The following UNC80 variants were observed in gnomAD, a reference collection of about 807,000 sequenced individuals.
The protein encoded by UNC80 is unc-80 subunit of NALCN channel complex.
A neutral mutation model predicts 384.6 loss-of-function variants in UNC80; 164 were observed. The observed-to-expected ratio is 0.43, with a 90% CI of 0.38 to 0.49. The LOEUF (loss-of-function observed/expected upper bound fraction) is 0.49, where lower values mean the gene tolerates loss of function less well. Ranked by LOEUF, UNC80 falls within the 20% of genes least tolerant of loss-of-function variation. The pLI is 0.00. For synonymous variants in UNC80, 1,486 were observed against 1,527.8 expected (o/e 0.97, Z 0.64); for missense variants, 3,330 against 4,143.0 (o/e 0.80, Z 5.39).
In UNC80 at chr2:209,872,564, T is replaced by TG. The variant is rs2084390247; in HGVS notation, c.3628-187dup. On this transcript the variant is annotated intron_variant, in intron 22 of 64. Transcript: ENST00000673920. This position sits in a 1 kb window ranked among gnomAD's most constrained non-coding sequence, Gnocchi z 4.1. ...TCTAATCCTTCAAGATCCACATTTTTGGGGGGGATTTTGCTTTCCAGATTT... is the reference window on the plus strand; with the variant it reads ...TCTAATCCTTCAAGATCCACATTTTTGGGGGGGGATTTTGCTTTCCAGATTT... Among the ~76,000 whole-genome samples the TG allele has an allele frequency of 6.6e-6, 1 of 152,098 alleles. No individual in the cohort carries two copies. Among genetic ancestry groups the TG allele is most frequent in the African/African-American group, 2.4e-5 (1 of 41,420 alleles).
At chr2:209,959,761 C>G (rs1458004101) in intron 51 of UNC80, 54 bp downstream of exon 51, 1 of 1,496,186 alleles carries the variant, frequency 6.7e-7, no homozygotes, top group African/African-American at 1.4e-5. Context: ...GCCCATGTGT[C>G]TGAATGTGTG....
chr2:209,775,118 T>C (rs150211759), intron 2 of UNC80, among the ~76,000 whole-genome samples: 54 of 152,288 alleles, frequency 3.5e-4, no homozygotes, highest in African/African-American at 1.2e-3. Flanking sequence ...TCCAACACCT[T>C]ACAGTGATAT....
intron 21 of UNC80, among the ~76,000 whole-genome samples, chr2:209,844,543 CCTTCCTTT>C (rs1346348367): frequency 0.018 from 2,222 of 121,650 alleles, 78 homozygotes; most frequent in Middle Eastern, 0.042. Context: ...TTCCTTCCTT[CCTTCCTTT>C]TTCTTTCCAA....
At chr2:209,824,379 G>A (rs112709958) in intron 13 of UNC80, among the ~76,000 whole-genome samples, 1 of 152,286 alleles carries the variant, frequency 6.6e-6, no homozygotes, top group Admixed American at 6.5e-5. Flanking sequence ...GGCATAGGGA[G>A]AAATTGAACT....
rs1486945350 is a variant in UNC80, at chr2:209,954,195, G to A, written c.7382G>A (p.Arg2461Gln). 1.3e-6 allele frequency: 2 copies of A among 1,551,048 alleles called. No individual in the cohort carries two copies. Among genetic ancestry groups the A allele is most frequent in the South Asian group, 1.2e-5 (1 of 84,024 alleles). Reference sequence around the variant, plus strand: ...CAGGTGGAGACAGTACCTGCTGCCCGAGAGGAGATTGCGGCCACTGCTGCT... The same window carrying A: ...CAGGTGGAGACAGTACCTGCTGCCCAAGAGGAGATTGCGGCCACTGCTGCT... ...TSQVETVPAA[R>Q]EEIAATAALA... Residue 2461 changes from arginine to glutamine, a missense_variant, in exon 48 of 65, where the codon CGA becomes CAA. Coordinates refer to ENST00000673920, the MANE Select transcript of UNC80 (RefSeq NM_001371986.1).
chr2:209,862,239 T>C (rs1232390468), intron 22 of UNC80, among the ~76,000 whole-genome samples: 1 of 152,194 alleles, frequency 6.6e-6, no homozygotes, highest in African/African-American at 2.4e-5. Flanking sequence ...ATTGTCTCTT[T>C]GTTCTCATTG....
rs1398871473 is a variant in UNC80, at chr2:209,978,756, G to A, written c.9118+48G>A. The A allele has an allele frequency of 2.8e-5, 40 of 1,435,904 alleles. No individual in the cohort carries two copies. In the Admixed American group the frequency reaches 6.0e-4, roughly 22 times the overall value. The allele number at this position is 1,435,904 out of a possible 1,614,324, so 88.9% of individuals were successfully genotyped here. On this transcript the variant is annotated intron_variant, in intron 59 of 64. Transcript: ENST00000673920. ...GGCAGTAGACATGGCCTGGCCATAC[G>A]AGCAGGGGCTTGGGAAGGATTACTG... is the stretch of plus-strand genomic sequence containing the variant.
At chr2:209,953,230 C>T (rs1338277240) in intron 47 of UNC80, among the ~76,000 whole-genome samples, 1 of 151,824 alleles carries the variant, frequency 6.6e-6, no homozygotes, top group Non-Finnish European at 1.5e-5. Context: ...CCAGCCTGGC[C>T]AACATAGTGA....
In UNC80 at chr2:209,937,534, T is replaced by C; in HGVS notation, c.6369T>C (p.Tyr2123=). 6.5e-7 allele frequency: 1 copy of C among 1,549,496 alleles called. No homozygotes were observed. The highest frequency in any genetic ancestry group is 8.7e-7 in the Non-Finnish European group (1 of 1,144,938). ...TCTTTATGTAATCCACACAGACCTA[T>C]GTTCGAGATATTTATCCTTTCCGGA... ...RWNLIHYNKT[Y]VRDIYPFRRS... The change falls in exon 42 of 65, where the codon TAT becomes TAC. Residue 2123 remains tyrosine, a synonymous_variant. Coordinates refer to ENST00000673920, the MANE Select transcript of UNC80 (RefSeq NM_001371986.1).
Position 209,979,616 on chromosome 2 carries a change from A to G in UNC80, c.9118+908A>G, listed in dbSNP as rs79959828. 9.1e-3 allele frequency among the ~76,000 whole-genome samples: 1,387 copies of G among 152,342 alleles called. 26 individuals are homozygous for G. The highest frequency in any genetic ancestry group is 0.085 in the South Asian group (410 of 4,834). ...ATTTGGTGTTATGACATGAGGAGAA[A>G]TACTACATATGTATGCTTCACAGGA... On this transcript the variant is annotated intron_variant, in intron 59 of 64. Transcript: ENST00000673920.
At chr2:209,866,825 A>G (rs374362684) in intron 22 of UNC80, among the ~76,000 whole-genome samples, 7 of 152,112 alleles carry the variant, frequency 4.6e-5, no homozygotes, top group African/African-American at 7.2e-5. Context: ...TACGATTCCA[A>G]TCGCTGTAGT....
intron 20 of UNC80, among the ~76,000 whole-genome samples, 161 bp downstream of exon 20, chr2:209,840,809 A>G (rs1313095920): frequency 1.3e-5 from 2 of 152,248 alleles, no homozygotes; most frequent in Non-Finnish European, 2.9e-5. Context: ...TGGAAACTAA[A>G]TTGTTTAAGT....
intron 9 of UNC80, among the ~76,000 whole-genome samples, chr2:209,816,619 A>T (rs1380530098): frequency 6.6e-6 from 1 of 152,198 alleles, no homozygotes; most frequent in Non-Finnish European, 1.5e-5. Flanking sequence ...ATTTCTAATA[A>T]GTTCCCAAGT....
At chr2:209,964,785 CAA>C (rs1299831479) in intron 51 of UNC80, among the ~76,000 whole-genome samples, 8 of 57,550 alleles carry the variant, frequency 1.4e-4, no homozygotes, top group Admixed American at 1.9e-4. Context: ...GACTCTGTCT[CAA>C]AAAAAAAAAA....
At chr2:209,931,364 A>AACACACAC (rs61386739) in intron 38 of UNC80, among the ~76,000 whole-genome samples, 3,052 of 125,500 alleles carry the variant, frequency 0.024, 89 homozygotes, top group Non-Finnish European at 0.031. Context: ...TCTATGTTTA[A>AACACACAC]ACACACACAC....
chr2:209,964,038 G>A (rs1353667190), intron 51 of UNC80, among the ~76,000 whole-genome samples: 2 of 152,150 alleles, frequency 1.3e-5, no homozygotes, highest in African/African-American at 2.4e-5. Flanking sequence ...GAGAGGTAGT[G>A]GCCTTGGCTG....
intron 28 of UNC80, among the ~76,000 whole-genome samples, chr2:209,900,967 AAAAGTCTG>A (rs2087332422): frequency 6.6e-6 from 1 of 152,202 alleles, no homozygotes; most frequent in Non-Finnish European, 1.5e-5. Context: ...GCTGTATAAG[AAAAGTCTG>A]AAGTTAGCAG....
rs1187621010 is a variant in UNC80, at chr2:209,934,098, A to AT, written c.6178+97dup. The AT allele has an allele frequency of 2.8e-5, 36 of 1,276,706 alleles. No individual in the cohort carries two copies. In the African/African-American group the frequency reaches 4.8e-4, roughly 17 times the overall value. The allele number at this position is 1,276,706 out of a possible 1,614,324, so 79.1% of individuals were successfully genotyped here. ...AAGAGTCTCTTTCATTCATGAGAAA[A>AT]TTTTCAGAGTTCTAACCCCCAGTAT... On this transcript the variant is annotated intron_variant, in intron 39 of 64. Coordinates refer to ENST00000673920, the MANE Select transcript of UNC80 (RefSeq NM_001371986.1).
chr2:209,918,408 T>C, intron 32 of UNC80, 124 bp from the exon 33 acceptor site: 1 of 1,160,486 alleles, frequency 8.6e-7, no homozygotes, highest in Admixed American at 2.7e-5. Context: ...AAAATTCTTG[T>C]TCATTCTGTG....
Sources: allele counts gnomAD v4.1 joint callset (sites outside exome capture counted in the v4.1 genomes callset), GRCh38; gene constraint gnomAD v4.1.1; non-coding constraint Gnocchi (gnomAD v3.1); transcripts MANE v1.5; gene names NCBI Gene and HGNC (gene_info 2026-07-23, HGNC 2026-07-21).